The following GLI2 variants were observed in gnomAD, a reference collection of about 807,000 sequenced individuals.
The protein encoded by GLI2 is GLI family zinc finger 2, also known as transcription activator GLI2.
Under a neutral mutation model 78.9 loss-of-function variants are expected in GLI2, and 22 were observed. The observed-to-expected ratio is 0.28, with a 90% CI of 0.20 to 0.40. GLI2 has a LOEUF of 0.40. Ranked by LOEUF, GLI2 falls within the 10% of genes least tolerant of loss-of-function variation. GLI2 has a pLI of 1.00. For synonymous variants in GLI2, 974 were observed against 963.7 expected (o/e 1.01, Z -0.20); for missense variants, 2,097 against 2,213.2 (o/e 0.95, Z 1.05).
Position 120,990,734 on chromosome 2 carries a change from G to A in GLI2, c.*59G>A, listed in dbSNP as rs1436841678. ...GGGGTCATCGCTGCCCAGAGCCTGG[G>A]GATTCCAGCTGTCTTGTCTTTTTCC... On this transcript the variant is annotated 3_prime_UTR_variant, in exon 14 of 14. Transcript: ENST00000361492. 2.1e-6 allele frequency: 3 copies of A among 1,422,428 alleles called. No homozygotes were observed. The highest frequency in any genetic ancestry group is 2.9e-6 in the Non-Finnish European group (3 of 1,033,378). The allele number at this position is 1,422,428 out of a possible 1,614,324, so 88.1% of individuals were successfully genotyped here.
At chr2:120,922,347 G>A (rs933854859) in intron 2 of GLI2, among the ~76,000 whole-genome samples, 2 of 152,136 alleles carry the variant, frequency 1.3e-5, no homozygotes, top group African/African-American at 4.8e-5. Context: ...CCGACTAGCT[G>A]GCCTTATACA....
At chr2:120,931,548 T>G (rs902390517) in intron 3 of GLI2, among the ~76,000 whole-genome samples, 1 of 152,212 alleles carries the variant, frequency 6.6e-6, no homozygotes, top group Non-Finnish European at 1.5e-5. Flanking sequence ...TTATTTGGGA[T>G]CACTGAGCCC....
chr2:120,853,164 G>T (rs1687490765), intron 2 of GLI2, among the ~76,000 whole-genome samples: 1 of 152,170 alleles, frequency 6.6e-6, no homozygotes, highest in South Asian at 2.1e-4. Context: ...GGCTGGAGGG[G>T]GGTAGGTCTA....
intron 2 of GLI2, among the ~76,000 whole-genome samples, chr2:120,856,504 TTA>T (rs1687650762): frequency 6.6e-6 from 1 of 152,136 alleles, no homozygotes; most frequent in Non-Finnish European, 1.5e-5. Flanking sequence ...GGGCCTCGTT[TTA>T]AAGTGGACCT....
At chr2:120,742,560 G>A (rs1430019324) in intron 1 of GLI2, among the ~76,000 whole-genome samples, 1 of 151,804 alleles carries the variant, frequency 6.6e-6, no homozygotes, top group African/African-American at 2.4e-5. Context: ...GTGTGTGTAC[G>A]CACGCCGAGA....
chr2:120,773,005 C>T (rs757543467), intron 1 of GLI2, among the ~76,000 whole-genome samples: 1 of 152,208 alleles, frequency 6.6e-6, no homozygotes, highest in Non-Finnish European at 1.5e-5. Context: ...GTAAATATTG[C>T]TCTCAATGTC....
At chr2:120,923,496 G>T (rs867308682) in intron 2 of GLI2, among the ~76,000 whole-genome samples, 3 of 151,224 alleles carry the variant, frequency 2.0e-5, no homozygotes, top group Non-Finnish European at 4.4e-5. Context: ...GCACGTATAC[G>T]CAGTAACACA....
At chr2:120,946,488 GCTC>G (rs1269085927) in intron 3 of GLI2, among the ~76,000 whole-genome samples, 1 of 152,184 alleles carries the variant, frequency 6.6e-6, no homozygotes, top group African/African-American at 2.4e-5. Context: ...CATGCAGCCA[GCTC>G]CTCCTCCCAT....
chr2:120,971,217 C>A (rs995598120), intron 7 of GLI2, among the ~76,000 whole-genome samples: 5 of 152,206 alleles, frequency 3.3e-5, no homozygotes, highest in African/African-American at 1.2e-4. Context: ...AGTGGGATTC[C>A]TGATGCCTAG....
chr2:120,753,686 C>T (rs1682947499), intron 1 of GLI2, among the ~76,000 whole-genome samples: 1 of 151,954 alleles, frequency 6.6e-6, no homozygotes. Context: ...ATCAGGAGGT[C>T]AGGAGATCAA....
chr2:120,899,327 T>C (rs1013442342), intron 2 of GLI2, among the ~76,000 whole-genome samples: 2 of 152,192 alleles, frequency 1.3e-5, no homozygotes, highest in Admixed American at 1.3e-4. Flanking sequence ...TTTCTCACTT[T>C]AGGGGTTTGC....
In GLI2 at chr2:120,990,056, G is replaced by A; in HGVS notation, c.4091G>A (p.Gly1364Asp). Residue 1364 changes from glycine to aspartate, a missense_variant, in exon 14 of 14, where the codon GGC becomes GAC. This residue lies in a region of GLI2 where 1,290 missense variants were observed against 1,261.7 expected (regional missense o/e 1.02). Coordinates refer to ENST00000361492, the MANE Select transcript of GLI2 (RefSeq NM_001374353.1). ...PRPPLEPSPT[G>D]RHRGVRAVQQ... ...CCTCCCCTCGAGCCCAGCCCCACTG[G>A]CCGCCACCGTGGGGTACGTGCTGTG... is the stretch of plus-strand genomic sequence containing the variant. The A allele has an allele frequency of 6.2e-7, 1 of 1,601,466 alleles. No homozygotes were observed. The highest frequency in any genetic ancestry group is 8.5e-7 in the Non-Finnish European group (1 of 1,173,108).
chr2:120,798,216 A>G (rs1250281689), intron 2 of GLI2, among the ~76,000 whole-genome samples: 1 of 152,224 alleles, frequency 6.6e-6, no homozygotes, highest in Non-Finnish European at 1.5e-5. Context: ...GGCACAGCTC[A>G]GAGAGCAGGC....
At chr2:120,958,625 C>A (rs113038864) in intron 5 of GLI2, among the ~76,000 whole-genome samples, 1 of 152,318 alleles carries the variant, frequency 6.6e-6, no homozygotes, top group African/African-American at 2.4e-5. Flanking sequence ...TTAGAACCCC[C>A]GTCCAGAGGC....
intron 5 of GLI2, among the ~76,000 whole-genome samples, chr2:120,965,810 GCTT>G (rs1383641130): frequency 1.3e-5 from 2 of 152,212 alleles, no homozygotes; most frequent in Non-Finnish European, 2.9e-5. Context: ...GGGCCTCCCT[GCTT>G]CTTTCTGTCC....
chr2:120,946,440 G>T lies in GLI2; in HGVS notation c.255-4803G>T, dbSNP rs556153868. Among the ~76,000 whole-genome samples the T allele has an allele frequency of 2.0e-5, 3 of 152,292 alleles. No homozygotes were observed. The East Asian group carries it at 5.8e-4, about 29-fold the overall frequency. Reference sequence around the variant, plus strand: ...TGTGAGGGTGTGCACATGTGTATCTGTGATGTAGGAGACTGTGACCATCTT... The same window carrying T: ...TGTGAGGGTGTGCACATGTGTATCTTTGATGTAGGAGACTGTGACCATCTT... On this transcript the variant is annotated intron_variant, in intron 3 of 13. Coordinates refer to ENST00000361492, the MANE Select transcript of GLI2 (RefSeq NM_001374353.1).
intron 2 of GLI2, among the ~76,000 whole-genome samples, chr2:120,904,567 A>C (rs1039238852): frequency 6.6e-6 from 1 of 152,202 alleles, no homozygotes; most frequent in African/African-American, 2.4e-5. Flanking sequence ...TGCCAAGGGA[A>C]GTGGCACTGT....
At chr2:120,882,209 C>T (rs959409568) in intron 2 of GLI2, among the ~76,000 whole-genome samples, 1 of 152,074 alleles carries the variant, frequency 6.6e-6, no homozygotes. Context: ...CCAGGAGCCA[C>T]ATCCTCCTTC....
Position 120,750,906 on chromosome 2 carries a change from T to C in GLI2, c.-31+14621T>C, listed in dbSNP as rs533449813. On this transcript the variant is annotated intron_variant, in intron 1 of 13. Transcript: ENST00000361492. ...ACCTTCATGCTGCTGGAGGCTGCAC[T>C]GGGCCCCAGGGGGATGCCCCGGTAC... 1.2e-4 allele frequency among the ~76,000 whole-genome samples: 19 copies of C among 152,358 alleles called. No individual in the cohort carries two copies. The South Asian group carries it at 1.4e-3, about 12-fold the overall frequency.
Sources: gnomAD v4.1 joint callset for allele counts (sites outside exome capture counted in the v4.1 genomes callset) on GRCh38, gnomAD v4.1.1 for gene constraint, gnomAD v4.1.1 regional missense constraint, MANE v1.5 for transcripts, NCBI Gene and HGNC (gene_info 2026-07-23, HGNC 2026-07-21) for gene names.